The following RSF1 variants were observed in gnomAD, a reference collection of about 807,000 sequenced individuals.
RSF1 encodes HBV pX-associated protein 8.
RSF1 carries 13 observed loss-of-function variants against 145.2 expected under a neutral mutation model. That is an observed-to-expected ratio of 0.09 (90% CI 0.06 to 0.14). The LOEUF (loss-of-function observed/expected upper bound fraction) is 0.14, where lower values mean the gene tolerates loss of function less well. Among genes scored for constraint, RSF1 ranks in the 10% least tolerant of loss-of-function variants. The pLI, the probability that RSF1 is intolerant of heterozygous loss-of-function variation, is 1.00. For missense variants in RSF1, 1,517 were observed against 1,718.2 expected, an observed-to-expected ratio of 0.88 and a Z score of 2.07; for synonymous variants, 577 against 592.6, an observed-to-expected ratio of 0.97 and a Z score of 0.38.
chr11:77,734,365 G>A (rs1961285437), intron 4 of RSF1: 2 of 739,254 alleles, frequency 2.7e-6, no homozygotes, highest in East Asian at 2.7e-5. Context: ...AAGAACTTAG[G>A]TGGATGTTTT....
At chr11:77,822,298 G>A (rs1448932468), upstream of RSF1, among the ~76,000 whole-genome samples, 1 of 151,620 alleles carries the variant, frequency 6.6e-6, no homozygotes, top group African/African-American at 2.4e-5. Flanking sequence ...AAAATTAGCC[G>A]GGAATCCTTG....
chr11:77,679,148 T>C lies in RSF1; in HGVS notation c.3066-995A>G, dbSNP rs534473945. 6.6e-5 allele frequency among the ~76,000 whole-genome samples: 10 copies of C among 152,378 alleles called. 1 individual carries two copies. In the South Asian group the frequency reaches 1.7e-3, roughly 25 times the overall value. ...ACAGACGTGTTTCAATAAAACTTTA[T>C]GAGCATTAAAATTTGAATTATAGGT... On this transcript the variant is annotated intron_variant, in intron 11 of 15. Coordinates refer to ENST00000308488, the MANE Select transcript of RSF1 (RefSeq NM_016578.4).
At chr11:77,727,062 G>A (rs1211357487) in intron 4 of RSF1, among the ~76,000 whole-genome samples, 3 of 152,158 alleles carry the variant, frequency 2.0e-5, no homozygotes, top group Admixed American at 6.5e-5. Context: ...CATATCATAT[G>A]AGCATATATA....
At chr11:77,856,056 T>C in the RSF1 span, among the ~76,000 whole-genome samples, 1 of 152,076 alleles carries the variant, frequency 6.6e-6, no homozygotes, top group African/African-American at 2.4e-5. Flanking sequence ...GAGGCAGAGT[T>C]GCAGTGAGCT....
intron 4 of RSF1, among the ~76,000 whole-genome samples, chr11:77,726,982 T>C (rs1200600974): frequency 6.6e-6 from 1 of 152,228 alleles, no homozygotes; most frequent in East Asian, 1.9e-4. Flanking sequence ...GCAGTAAAAT[T>C]GCCACTGATA....
chr11:77,836,327 T>C, the RSF1 span, among the ~76,000 whole-genome samples: 1 of 152,012 alleles, frequency 6.6e-6, no homozygotes, highest in Non-Finnish European at 1.5e-5. Flanking sequence ...TTAAATGAGA[T>C]CATAAGAGTC....
intron 1 of RSF1, among the ~76,000 whole-genome samples, chr11:77,780,573 C>T (rs1668461645): frequency 1.3e-5 from 2 of 152,114 alleles, no homozygotes; most frequent in South Asian, 4.2e-4. Flanking sequence ...CACCTGTAAT[C>T]CCAGCACTTT....
At chr11:77,752,723 G>T (rs1948076383) in intron 2 of RSF1, among the ~76,000 whole-genome samples, 1 of 152,130 alleles carries the variant, frequency 6.6e-6, no homozygotes, top group Non-Finnish European at 1.5e-5. Context: ...AACCAGGGCA[G>T]CTTCATCTTG....
At chr11:77,768,271 T>C (rs1948246911) in intron 1 of RSF1, among the ~76,000 whole-genome samples, 1 of 151,266 alleles carries the variant, frequency 6.6e-6, no homozygotes, top group Non-Finnish European at 1.5e-5. Context: ...CAAGCGATTC[T>C]CCTGCCTCAG....
intron 1 of RSF1, among the ~76,000 whole-genome samples, chr11:77,790,285 A>G (rs1363559192): frequency 6.6e-6 from 1 of 152,076 alleles, no homozygotes; most frequent in African/African-American, 2.4e-5. Flanking sequence ...GTGCAGGAAA[A>G]CTACCCCTTA....
chr11:77,812,966 A>T (rs1948745380), intron 1 of RSF1, among the ~76,000 whole-genome samples: 1 of 151,770 alleles, frequency 6.6e-6, no homozygotes, highest in Non-Finnish European at 1.5e-5. Flanking sequence ...CACTGAAAAG[A>T]TCACCTTAAT....
chr11:77,673,597 C>T (rs183754627), intron 14 of RSF1, among the ~76,000 whole-genome samples: 1 of 152,146 alleles, frequency 6.6e-6, no homozygotes, highest in Non-Finnish European at 1.5e-5. Flanking sequence ...GGGAAATGTT[C>T]TTCCTTACAG....
At chr11:77,868,807 C>T in the RSF1 span, 151 of 223,638 alleles carry the variant, frequency 6.8e-4, no homozygotes, top group African/African-American at 3.0e-3. Flanking sequence ...AGCAGGCTGG[C>T]GCTTAATTTG....
the RSF1 span, chr11:77,841,012 C>T: frequency 5.2e-5 from 27 of 517,480 alleles, no homozygotes; most frequent in East Asian, 7.1e-4. Flanking sequence ...AATTTTTTTT[C>T]TCACAGTTCT....
At chr11:77,681,517 C>T (rs571963366) in intron 11 of RSF1, among the ~76,000 whole-genome samples, 2 of 152,154 alleles carry the variant, frequency 1.3e-5, no homozygotes, top group Admixed American at 6.5e-5. Flanking sequence ...TGGGCTGAAA[C>T]GATCCTCCTG....
the RSF1 span, among the ~76,000 whole-genome samples, chr11:77,868,205 G>A: frequency 6.0e-5 from 9 of 150,746 alleles, no homozygotes; most frequent in African/African-American, 7.3e-5. Flanking sequence ...ACAGGCACCC[G>A]CTACCTGGCC....
At position 77,665,507 on chromosome 11, in the gene RSF1, A is replaced by G. The variant is rs1253772484; in HGVS notation, c.*1410T>C. The G allele has an allele frequency of 1.3e-5, 2 of 152,212 alleles. No homozygotes were observed. The highest frequency in any genetic ancestry group is 1.5e-5 in the Non-Finnish European group (1 of 68,028). 9.4% of individuals were successfully genotyped at this position (152,212 alleles called of 1,614,324 possible). A position where few individuals can be genotyped will look rare whatever the true frequency, so the allele number is the denominator to read the frequency against. ...ACAGAAACTAAATAAGACAAAGTTC[A>G]TATTTTAGTGTCAATTACATGTTAG... On this transcript the variant is annotated 3_prime_UTR_variant, in exon 16 of 16. Transcript: ENST00000308488.
At chr11:77,848,828 C>T in the RSF1 span, among the ~76,000 whole-genome samples, 3 of 152,166 alleles carry the variant, frequency 2.0e-5, no homozygotes, top group Non-Finnish European at 4.4e-5. Flanking sequence ...CACTGTCTCC[C>T]AAGCTGGAGT....
Position 77,667,211 on chromosome 11 carries a change from T to C in RSF1, c.4032A>G (p.Glu1344=), listed in dbSNP as rs17824917. The change falls in exon 16 of 16, where the codon GAA becomes GAG. Residue 1344 remains glutamate, a synonymous_variant. Coordinates refer to ENST00000308488, the MANE Select transcript of RSF1 (RefSeq NM_016578.4). ...QESTKKPYRI[E]SDEEEDFENV... is the part of the protein sequence containing the mutation. The stretch of plus-strand genomic sequence containing the variant: ...TTTCAAAGTCCTCTTCCTCATCACT[T>C]TCTATCCGGTAGGGCTTCTTGGTGC... 1.2e-6 allele frequency: 2 copies of C among 1,614,198 alleles called. No individual in the cohort carries two copies. Among genetic ancestry groups the C allele is most frequent in the Non-Finnish European group, 1.7e-6 (2 of 1,180,036 alleles).
Sources: gnomAD v4.1 joint callset for allele counts (sites outside exome capture counted in the v4.1 genomes callset) on GRCh38, gnomAD v4.1.1 for gene constraint, MANE v1.5 for transcripts, NCBI Gene and HGNC (gene_info 2026-07-23, HGNC 2026-07-21) for gene names.